Variants in OLFM1 observed in about 807,000 individuals in gnomAD.
OLFM1 encodes noelin.
In OLFM1, 9 loss-of-function variants were observed where a neutral mutation model predicts 49.7. The observed-to-expected ratio is 0.18, with a 90% confidence interval of 0.11 to 0.32. The LOEUF (loss-of-function observed/expected upper bound fraction) is 0.32, where lower values mean the gene tolerates loss of function less well. Ranked by LOEUF, OLFM1 falls within the 10% of genes least tolerant of loss-of-function variation. The probability of loss-of-function intolerance (pLI) is 1.00; values close to 1 mark genes in which losing one functional copy is unlikely to be tolerated. For missense variants in OLFM1, 369 were observed against 661.8 expected, an observed-to-expected ratio of 0.56 and a Z score of 4.85; for synonymous variants, 240 against 271.8, an observed-to-expected ratio of 0.88 and a Z score of 1.15.
At chr9:135,086,807 A>C (rs1564268033), upstream of OLFM1, 1 of 437,502 alleles carries the variant, frequency 2.3e-6, no homozygotes, top group Admixed American at 2.5e-5. Context: ...GGGCGCCATG[A>C]CTCGAGCGCC....
At chr9:135,076,385 G>T (rs905154747) in intron 1 of OLFM1, 6 of 1,510,352 alleles carry the variant, frequency 4.0e-6, no homozygotes, top group East Asian at 4.9e-5. Context: ...CCACATGCCC[G>T]GCAGGAGGTG....
At chr9:135,091,779 ACT>A (rs1420960184) in intron 2 of OLFM1, among the ~76,000 whole-genome samples, 12 of 148,840 alleles carry the variant, frequency 8.1e-5, no homozygotes, top group Admixed American at 2.0e-4. Context: ...TCACACACAC[ACT>A]CACACATAGT....
At chr9:135,112,076 G>A (rs766195282) in intron 5 of OLFM1, among the ~76,000 whole-genome samples, 1 of 152,198 alleles carries the variant, frequency 6.6e-6, no homozygotes, top group Non-Finnish European at 1.5e-5. Context: ...CTGCACAGGG[G>A]GCTCTCAGCA....
intron 2 of OLFM1, among the ~76,000 whole-genome samples, chr9:135,092,638 G>A (rs1830732040): frequency 6.6e-6 from 1 of 152,192 alleles, no homozygotes; most frequent in Non-Finnish European, 1.5e-5. Context: ...CCTGAGCCCA[G>A]GGAGGAGGCA....
intron 1 of OLFM1, chr9:135,076,405 C>A (rs1830467021): frequency 1.3e-6 from 2 of 1,487,186 alleles, no homozygotes. Context: ...GAGTGAGGAG[C>A]CCTGTGGCGT....
rs1450765488 is a variant in OLFM1 at position 135,108,632 on chromosome 9, CA to C, written c.783+1790del. 1.2e-3 allele frequency among the ~76,000 whole-genome samples: 145 copies of C among 125,152 alleles called. 1 individual carries two copies. The highest frequency in any genetic ancestry group is 4.0e-3 in the Admixed American group (49 of 12,186). 82.1% of individuals were successfully genotyped at this position (125,152 alleles called of 152,430 possible). A position where few individuals can be genotyped will look rare whatever the true frequency, so the allele number is the denominator to read the frequency against. On this transcript the variant is annotated intron_variant, in intron 5 of 5. Transcript: ENST00000371793. ...TGGGTGATAGAGCGAGGCTCTGTCT[CA>C]AAAAAAAAAAAACAAAAAAAACAGC...
In OLFM1 at chr9:135,121,073, A is replaced by G. The variant is rs1831180789; in HGVS notation, c.*895A>G. 2 of 152,404 alleles carry G rather than the reference A, an allele frequency of 1.3e-5. No individual in the cohort carries two copies. Among genetic ancestry groups the G allele is most frequent in the African/African-American group, 4.8e-5 (2 of 41,448 alleles). 9.4% of individuals were successfully genotyped at this position (152,404 alleles called of 1,614,324 possible). ...AAACTCTGGTTTCCGATGGGACAGG[A>G]AAGTCATACGGGCAACAGTATGCGG... On this transcript the variant is annotated 3_prime_UTR_variant, in exon 6 of 6. Coordinates refer to ENST00000371793, the MANE Select transcript of OLFM1 (RefSeq NM_001282611.2).
rs188580044 is a variant in OLFM1, at chr9:135,105,085, A to T, written c.677-1664A>T. 1.8e-4 allele frequency among the ~76,000 whole-genome samples: 28 copies of T among 152,198 alleles called. 1 individual carries two copies. The East Asian group carries it at 3.9e-3, about 21-fold the overall frequency. Reference sequence around the variant, plus strand: ...GCCCGTGTGGACCACGGCCGAGAAGACCCTGGCAGCCTCTCACCCGGCCCC... The same window carrying T: ...GCCCGTGTGGACCACGGCCGAGAAGTCCCTGGCAGCCTCTCACCCGGCCCC... On this transcript the variant is annotated intron_variant, in intron 4 of 5. Coordinates refer to ENST00000371793, the MANE Select transcript of OLFM1 (RefSeq NM_001282611.2).
At position 135,075,914 on chromosome 9, in the gene OLFM1, C is replaced by T. The variant is rs1405477727; in HGVS notation, c.96+112C>T. On this transcript the variant is annotated intron_variant, in intron 1 of 5. Coordinates refer to the OLFM1 transcript ENST00000252854. ...CTCCGCGCCGCCCCGCGCCCCCGGC[C>T]TGGGCGCCCGAAGTGCCGGGGTTGG... 3.2e-6 allele frequency: 4 copies of T among 1,231,556 alleles called. No individual in the cohort carries two copies. In the African/African-American group the frequency reaches 4.9e-5, roughly 15 times the overall value. The allele number at this position is 1,231,556 out of a possible 1,614,324, so 76.3% of individuals were successfully genotyped here. A position where few individuals can be genotyped will look rare whatever the true frequency, so the allele number is the denominator to read the frequency against.
intron 5 of OLFM1, among the ~76,000 whole-genome samples, chr9:135,119,086 G>GA (rs111630128): frequency 2.2e-4 from 34 of 151,622 alleles, no homozygotes; most frequent in African/African-American, 4.4e-4. Context: ...TGGGTCTTTG[G>GA]AGTGCTCACC....
At chr9:135,103,933 T>G (rs1010921845) in intron 4 of OLFM1, among the ~76,000 whole-genome samples, 2 of 152,230 alleles carry the variant, frequency 1.3e-5, no homozygotes, top group African/African-American at 4.8e-5. Context: ...TCACCCTCCC[T>G]CCTTCACTGA....
rs1021939522 is a variant in OLFM1 at position 135,088,763 on chromosome 9, G to A, written c.150+624G>A. Among the ~76,000 whole-genome samples, 1 of 152,194 alleles carries A rather than the reference G, an allele frequency of 6.6e-6. No homozygotes were observed. The highest frequency in any genetic ancestry group is 6.5e-5 in the Admixed American group (1 of 15,292). ...CTCCGAGGACGGTGCCGAGGGGCTTGGGTGGGGCCCCTGGGAGCCTGCCCT... is the reference window on the plus strand; with the variant it reads ...CTCCGAGGACGGTGCCGAGGGGCTTAGGTGGGGCCCCTGGGAGCCTGCCCT... On this transcript the variant is annotated intron_variant, in intron 1 of 5. Transcript: ENST00000371793. The surrounding 1 kb of genome is among the most constrained non-coding windows in gnomAD (Gnocchi z 4.8).
chr9:135,086,688 C>T, upstream of OLFM1: 1 of 456,068 alleles, frequency 2.2e-6, no homozygotes, highest in South Asian at 1.5e-5. Flanking sequence ...GTGTTTGACC[C>T]AGTCAGGCCT....
chr9:135,114,631 G>A (rs1831071564), intron 5 of OLFM1, among the ~76,000 whole-genome samples: 3 of 151,960 alleles, frequency 2.0e-5, no homozygotes, highest in African/African-American at 2.4e-5. Flanking sequence ...AGCTCCCGCA[G>A]GCACAGAGGC....
rs1670120959 is a variant in OLFM1, at chr9:135,088,465, C to G, written c.150+326C>G. Among the ~76,000 whole-genome samples, 1 of 152,056 alleles carries G rather than the reference C, an allele frequency of 6.6e-6. No homozygotes were observed. Among genetic ancestry groups the G allele is most frequent in the Non-Finnish European group, 1.5e-5 (1 of 67,996 alleles). On this transcript the variant is annotated intron_variant, in intron 1 of 5. Coordinates refer to ENST00000371793, the MANE Select transcript of OLFM1 (RefSeq NM_001282611.2). The surrounding 1 kb of genome is among the most constrained non-coding windows in gnomAD (Gnocchi z 4.8). Reference sequence around the variant, plus strand: ...GTCCTGGGTCAGTAATCATGAGCCCCCCATTGAAAAGGTTAGGAAACTAAG... The same window carrying G: ...GTCCTGGGTCAGTAATCATGAGCCCGCCATTGAAAAGGTTAGGAAACTAAG...
At chr9:135,101,480 G>C (rs1047650395) in intron 4 of OLFM1, among the ~76,000 whole-genome samples, 16 of 152,218 alleles carry the variant, frequency 1.1e-4, no homozygotes, top group African/African-American at 3.9e-4. Context: ...AAGGACCAGG[G>C]CTCCATCAGT....
In OLFM1 at chr9:135,119,824, C is replaced by T. The variant is rs137929148; in HGVS notation, c.1104C>T (p.Tyr368=). The T allele has an allele frequency of 2.8e-4, 449 of 1,613,848 alleles. No individual in the cohort carries two copies. The highest frequency in any genetic ancestry group is 8.3e-4 in the African/African-American group (62 of 75,030). ...MVDESGLWAV[Y]ATNQNAGNIV... is the part of the protein sequence containing the mutation. Reference sequence around the variant, plus strand: ...ACGAGAGCGGGCTGTGGGCCGTGTACGCCACCAACCAGAACGCTGGCAACA... The same window carrying T: ...ACGAGAGCGGGCTGTGGGCCGTGTATGCCACCAACCAGAACGCTGGCAACA... Residue 368 remains tyrosine (Y), a synonymous_variant, in exon 6 of 6, where the codon TAC becomes TAT. Coordinates refer to ENST00000371793, the MANE Select transcript of OLFM1 (RefSeq NM_001282611.2).
At chr9:135,115,653 A>T (rs930341171) in intron 5 of OLFM1, among the ~76,000 whole-genome samples, 4 of 152,188 alleles carry the variant, frequency 2.6e-5, no homozygotes, top group Non-Finnish European at 5.9e-5. Context: ...CTTCCCAGTC[A>T]AGACAATCGA....
intron 5 of OLFM1, among the ~76,000 whole-genome samples, chr9:135,110,283 A>G (rs1379131726): frequency 2.0e-5 from 3 of 152,160 alleles, no homozygotes; most frequent in African/African-American, 7.2e-5. Context: ...TGCCTTCCAG[A>G]GCCCAACATC....
Sources: gnomAD v4.1 joint callset for allele counts (sites outside exome capture counted in the v4.1 genomes callset) on GRCh38, gnomAD v4.1.1 for gene constraint, Gnocchi (gnomAD v3.1) non-coding constraint, MANE v1.5 for transcripts, NCBI Gene and HGNC (gene_info 2026-07-23, HGNC 2026-07-21) for gene names.